The following C5orf58 variants were observed in gnomAD, a reference collection of about 807,000 sequenced individuals.
C5orf58 encodes putative uncharacterized protein C5orf58.
Under a neutral mutation model 2.9 loss-of-function variants are expected in C5orf58, and 2 were observed. That is an observed-to-expected ratio of 0.69 (90% CI 0.28 to 2.18). The LOEUF (loss-of-function observed/expected upper bound fraction) is 2.18. C5orf58 is among the 30% of genes most tolerant of loss of function. The pLI is 0.13. For synonymous variants in C5orf58, 37 were observed against 33.4 expected (o/e 1.11, Z -0.37); for missense variants, 96 against 91.7 (o/e 1.05, Z -0.19).
Position 170,245,736 on chromosome 5 carries a change from C to T in C5orf58, c.95-226C>T, listed in dbSNP as rs551147278. ...AAATGCAGAAATCACCTGTCTTCTGCGTCGCTCACGCTGGGAGCTGTAGAC... is the reference window on the plus strand; with the variant it reads ...AAATGCAGAAATCACCTGTCTTCTGTGTCGCTCACGCTGGGAGCTGTAGAC... On this transcript the variant is annotated intron_variant, in intron 3 of 3. Transcript: ENST00000593851. Among the ~76,000 whole-genome samples, 42 of 152,314 alleles carry T rather than the reference C, an allele frequency of 2.8e-4. 1 individual carries two copies. The highest frequency in any genetic ancestry group is 4.7e-4 in the Non-Finnish European group (32 of 68,024).
At chr5:170,249,613 A>G (rs930751302), downstream of C5orf58, among the ~76,000 whole-genome samples, 1 of 152,146 alleles carries the variant, frequency 6.6e-6, no homozygotes, top group African/African-American at 2.4e-5. Flanking sequence ...TGGGATCTGC[A>G]GCATGGCACA....
downstream of C5orf58, chr5:170,248,869 G>T (rs1272922417): frequency 6.3e-7 from 1 of 1,592,312 alleles, no homozygotes; most frequent in Admixed American, 1.7e-5. Context: ...TGAAAAGCAG[G>T]AACTTCACTT....
exon 3 of C5orf58, chr5:170,251,768 A>AC (rs1761448371): frequency 7.3e-6 from 3 of 411,238 alleles, no homozygotes; most frequent in East Asian, 7.2e-5. Context: ...CTGACACAGC[A>AC]CCCCCAGAAT....
chr5:170,240,797 A>AT (rs1329726885), intron 3 of C5orf58, among the ~76,000 whole-genome samples: 1 of 150,170 alleles, frequency 6.7e-6, no homozygotes, highest in Non-Finnish European at 1.5e-5. Flanking sequence ...CCATTTGTCA[A>AT]TTTTGTCTTT....
chr5:170,251,753 C>T, exon 3 of C5orf58: 1 of 434,898 alleles, frequency 2.3e-6, no homozygotes, highest in South Asian at 1.6e-5. Context: ...TGAAGACTCC[C>T]AGAGCTGACA....
chr5:170,246,106 C>T lies in C5orf58; in HGVS notation c.239C>T (p.Ser80Phe), dbSNP rs770683254. The T allele has an allele frequency of 1.2e-6, 2 of 1,607,756 alleles. No individual in the cohort carries two copies. Among genetic ancestry groups the T allele is most frequent in the Admixed American group, 1.7e-5 (1 of 59,024 alleles). Residue 80 changes from serine (S) to phenylalanine (F), a missense_variant, in exon 4 of 4, where the codon TCT becomes TTT. Coordinates refer to ENST00000593851, the MANE Select transcript of C5orf58 (RefSeq NM_001102609.3). ...SDVSLVSNSF[S>F]I ...GTATCCCTTGTTTCTAACAGTTTTT[C>T]TATCTGATTTCTTATTTGTTATGAG...
At chr5:170,247,716 G>A (rs1761329815), downstream of C5orf58, 1 of 152,216 alleles carries the variant, frequency 6.6e-6, no homozygotes, top group South Asian at 2.1e-4. Context: ...TTATGGCAGA[G>A]CTGTCAGGGG....
downstream of C5orf58, among the ~76,000 whole-genome samples, chr5:170,250,398 C>T (rs550485863): frequency 2.0e-4 from 31 of 152,244 alleles, 1 homozygote; most frequent in Middle Eastern, 3.4e-3. Context: ...ATGCAGCCTA[C>T]GTTAAAATTA....
chr5:170,248,794 A>G, downstream of C5orf58: 1 of 1,612,670 alleles, frequency 6.2e-7, no homozygotes, highest in Non-Finnish European at 8.5e-7. Flanking sequence ...GAAGTAGTCA[A>G]TAATATCTGA....
intron 3 of C5orf58, 59 bp downstream of exon 3, chr5:170,235,129 C>T: frequency 1.1e-6 from 1 of 900,608 alleles, no homozygotes; most frequent in Non-Finnish European, 1.7e-6. Flanking sequence ...ATGATAGAGC[C>T]AGTTTGTGTT....
At chr5:170,241,255 G>A (rs950818041) in intron 3 of C5orf58, among the ~76,000 whole-genome samples, 4 of 152,078 alleles carry the variant, frequency 2.6e-5, no homozygotes, top group African/African-American at 9.7e-5. Flanking sequence ...CCTTGGTGAT[G>A]CGGGCTCTTT....
At chr5:170,252,155 A>G (rs1477853923) in exon 3 of C5orf58, 1 of 254,626 alleles carries the variant, frequency 3.9e-6, no homozygotes, top group Non-Finnish European at 7.7e-6. Flanking sequence ...TGTGATTCCT[A>G]TGACAAGACA....
exon 3 of C5orf58, chr5:170,251,833 G>A: frequency 1.2e-5 from 4 of 328,644 alleles, no homozygotes; most frequent in South Asian, 6.9e-5. Context: ...AGTTCTCCGG[G>A]TGATCTAAAT....
At chr5:170,244,473 C>G (rs1303630310) in intron 3 of C5orf58, among the ~76,000 whole-genome samples, 1 of 149,024 alleles carries the variant, frequency 6.7e-6, no homozygotes, top group African/African-American at 2.5e-5. Flanking sequence ...AGGCTTTGCT[C>G]ATTTCTTTTT....
chr5:170,248,488 A>T (rs1033858639), downstream of C5orf58: 1 of 495,790 alleles, frequency 2.0e-6, no homozygotes, highest in East Asian at 4.3e-5. Flanking sequence ...TGACTCATGC[A>T]CTTTACAAAC....
chr5:170,233,005 C>T lies in C5orf58; in HGVS notation c.-87C>T. 1.0e-6 allele frequency: 1 copy of T among 984,210 alleles called. No individual in the cohort carries two copies. The highest frequency in any genetic ancestry group is 1.2e-6 in the Non-Finnish European group (1 of 828,814). 61.0% of individuals were successfully genotyped at this position (984,210 alleles called of 1,614,324 possible). On this transcript the variant is annotated splice_region_variant and 5_prime_UTR_variant, in exon 1 of 4. Transcript: ENST00000593851. Reference sequence around the variant, plus strand: ...TGTCAGAACCTCGGTGACGGTTGGCCAGGTGGGTAGTGACGGCTGCTCGGT... The same window carrying T: ...TGTCAGAACCTCGGTGACGGTTGGCTAGGTGGGTAGTGACGGCTGCTCGGT...
chr5:170,240,243 C>T (rs1229245243), intron 3 of C5orf58, among the ~76,000 whole-genome samples: 1 of 150,604 alleles, frequency 6.6e-6, no homozygotes, highest in Non-Finnish European at 1.5e-5. Flanking sequence ...CATACGTGTG[C>T]ATGTGTCTTT....
At chr5:170,245,125 C>A (rs1486752665) in intron 3 of C5orf58, among the ~76,000 whole-genome samples, 1 of 152,184 alleles carries the variant, frequency 6.6e-6, no homozygotes, top group Non-Finnish European at 1.5e-5. Context: ...AGGCAGTCTG[C>A]CCGTTCTCAG....
At position 170,246,037 on chromosome 5, in the gene C5orf58, CAGAA is replaced by C. The variant is rs780341917; in HGVS notation, c.176_179del (p.Arg59ThrfsTer43). 84 of 1,613,474 alleles carry C rather than the reference CAGAA, an allele frequency of 5.2e-5. No homozygotes were observed. Among genetic ancestry groups the C allele is most frequent in the Non-Finnish European group, 6.2e-5 (73 of 1,179,578 alleles). On this transcript the variant is annotated frameshift_variant, in exon 4 of 4. Transcript: ENST00000593851. LOFTEE classifies it low-confidence loss of function (END_TRUNC). Reference sequence around the variant, plus strand: ...ATCAAGACTGAGAACTTAGCAGAAGCAGAAAGAAACAACCCCCTCTTTGAAGAGT... The same window carrying C: ...ATCAAGACTGAGAACTTAGCAGAAGCAGAAACAACCCCCTCTTTGAAGAGT...
Sources: gnomAD v4.1 joint callset for allele counts (sites outside exome capture counted in the v4.1 genomes callset) on GRCh38, gnomAD v4.1.1 for gene constraint, MANE v1.5 for transcripts, NCBI Gene and HGNC (gene_info 2026-07-23, HGNC 2026-07-21) for gene names.